Variants in ARFGAP3 observed in about 807,000 individuals in gnomAD.
The protein encoded by ARFGAP3 is ADP-ribosylation factor GTPase-activating protein 3.
In ARFGAP3, 72 loss-of-function variants were observed where a neutral mutation model predicts 75.0. That is an observed-to-expected ratio of 0.96 (90% CI 0.79 to 1.17). ARFGAP3 has a LOEUF of 1.17. Among genes scored for constraint, ARFGAP3 ranks in the 50% most tolerant of loss-of-function variants. The pLI, the probability that ARFGAP3 is intolerant of heterozygous loss-of-function variation, is 0.00. For missense variants in ARFGAP3, 620 were observed against 626.6 expected (o/e 0.99, Z 0.11); for synonymous variants, 221 against 217.9 (o/e 1.01, Z -0.13).
chr22:42,852,756 AATTTT>A (rs1451925074), intron 1 of ARFGAP3, among the ~76,000 whole-genome samples: 1 of 151,474 alleles, frequency 6.6e-6, no homozygotes, highest in Non-Finnish European at 1.5e-5. Context: ...TTATTTATTT[AATTTT>A]ATTTTATTTG....
intron 1 of ARFGAP3, 121 bp downstream of exon 1, chr22:42,856,993 T>G: frequency 9.6e-7 from 1 of 1,040,300 alleles, no homozygotes. Context: ...GGCCCCACAG[T>G]GCGACGTGTC....
In ARFGAP3 at chr22:42,826,947, A is replaced by G. The variant is rs372649717; in HGVS notation, c.618T>C (p.Ala206=). The change falls in exon 7 of 16, where the codon GCT becomes GCC. Residue 206 remains alanine, a synonymous_variant. Coordinates refer to ENST00000263245, the MANE Select transcript of ARFGAP3 (RefSeq NM_014570.5). ...SVEGLNVPTK[A]TLEVSSIIKK... is the part of the protein sequence containing the mutation. ...GGATTTTAAGCATATTACCTAAAGT[A>G]GCCTTTGTTGGTACATTAAGACCTT... 4.3e-6 allele frequency: 7 copies of G among 1,613,066 alleles called. No individual in the cohort carries two copies. In the African/African-American group the frequency reaches 9.3e-5, roughly 22 times the overall value.
chr22:42,800,719 C>T (rs1246474900), intron 14 of ARFGAP3, among the ~76,000 whole-genome samples: 1 of 152,208 alleles, frequency 6.6e-6, no homozygotes, highest in Non-Finnish European at 1.5e-5. Flanking sequence ...TAGGCCTTCA[C>T]CAATGACAGA....
chr22:42,854,042 G>A (rs1927393330), intron 1 of ARFGAP3, among the ~76,000 whole-genome samples: 1 of 152,208 alleles, frequency 6.6e-6, no homozygotes, highest in Admixed American at 6.5e-5. Context: ...TGCCCACAAT[G>A]GGGACTGGAT....
Position 42,797,519 on chromosome 22 carries a change from G to T in ARFGAP3, c.*69C>A. On this transcript the variant is annotated 3_prime_UTR_variant, in exon 16 of 16. Coordinates refer to ENST00000263245, the MANE Select transcript of ARFGAP3 (RefSeq NM_014570.5). ...GCAAAACTATCTGGACTTCACTGCC[G>T]CCTGAGATGTGGTTACTTGTTCATT... 1.3e-6 allele frequency: 2 copies of T among 1,596,368 alleles called. No individual in the cohort carries two copies. The highest frequency in any genetic ancestry group is 1.1e-5 in the South Asian group (1 of 90,508).
chr22:42,814,010 T>G (rs1925477942), intron 11 of ARFGAP3, among the ~76,000 whole-genome samples: 1 of 152,246 alleles, frequency 6.6e-6, no homozygotes, highest in Non-Finnish European at 1.5e-5. Context: ...ACATTTGCTC[T>G]GATTTAGAGC....
intron 14 of ARFGAP3, chr22:42,799,369 T>G (rs1391297057): frequency 5.3e-6 from 2 of 375,572 alleles, no homozygotes; most frequent in African/African-American, 2.2e-5. Context: ...GAAAATGTAG[T>G]ATGGGGGACT....
intron 10 of ARFGAP3, 118 bp downstream of exon 10, chr22:42,817,611 A>T: frequency 1.1e-6 from 1 of 872,812 alleles, no homozygotes; most frequent in Non-Finnish European, 1.7e-6. Flanking sequence ...ATAATTAGAG[A>T]AGTTAATGAA....
intron 14 of ARFGAP3, among the ~76,000 whole-genome samples, chr22:42,800,184 T>G (rs1275414260): frequency 6.6e-6 from 1 of 151,668 alleles, no homozygotes; most frequent in Non-Finnish European, 1.5e-5. Flanking sequence ...TCCTCAGGAG[T>G]AGCCACGCCC....
At chr22:42,841,599 T>C (rs1198091719) in intron 2 of ARFGAP3, among the ~76,000 whole-genome samples, 2 of 152,114 alleles carry the variant, frequency 1.3e-5, no homozygotes, top group African/African-American at 4.8e-5. Context: ...AGGCAGTGAG[T>C]ATAGCCTCAA....
Position 42,857,202 on chromosome 22 carries a change from C to A in ARFGAP3, c.-20G>T. The A allele has an allele frequency of 6.6e-7, 1 of 1,505,976 alleles. No individual in the cohort carries two copies. The highest frequency in any genetic ancestry group is 8.9e-7 in the Non-Finnish European group (1 of 1,124,348). The allele number at this position is 1,505,976 out of a possible 1,614,324, so 93.3% of individuals were successfully genotyped here. On this transcript the variant is annotated 5_prime_UTR_variant, in exon 1 of 16. Coordinates refer to ENST00000263245, the MANE Select transcript of ARFGAP3 (RefSeq NM_014570.5). ...CCCCATCGTCAGCTGTGAGCCGCGG[C>A]GCAGCTGGCCCAGCCAACCGGTAAG... is the stretch of plus-strand genomic sequence containing the variant.
chr22:42,809,766 G>A (rs1925279333), intron 12 of ARFGAP3, among the ~76,000 whole-genome samples: 1 of 152,072 alleles, frequency 6.6e-6, no homozygotes, highest in African/African-American at 2.4e-5. Flanking sequence ...CACTGTGGGA[G>A]GCCAAGACGG....
intron 14 of ARFGAP3, among the ~76,000 whole-genome samples, chr22:42,800,114 G>C (rs1924788954): frequency 6.6e-6 from 1 of 152,186 alleles, no homozygotes; most frequent in African/African-American, 2.4e-5. Context: ...ATAAACTTCT[G>C]TGTCACAATT....
At chr22:42,825,590 G>A (rs1022392209) in intron 7 of ARFGAP3, among the ~76,000 whole-genome samples, 2 of 151,232 alleles carry the variant, frequency 1.3e-5, no homozygotes, top group Non-Finnish European at 2.9e-5. Flanking sequence ...CACGAGAATC[G>A]CTTGAACCCA....
chr22:42,804,386 T>C (rs1330899884), intron 14 of ARFGAP3, among the ~76,000 whole-genome samples: 1 of 140,678 alleles, frequency 7.1e-6, no homozygotes, highest in East Asian at 2.1e-4. Flanking sequence ...ATTTTTTTTT[T>C]TTTTTTTTTT....
At chr22:42,824,471 C>G (rs1023916091) in intron 7 of ARFGAP3, among the ~76,000 whole-genome samples, 4 of 151,668 alleles carry the variant, frequency 2.6e-5, no homozygotes, top group African/African-American at 9.7e-5. Flanking sequence ...ATCCTCTCGT[C>G]TCAGCCTCCC....
Position 42,830,649 on chromosome 22 carries a change from CAA to C in ARFGAP3, c.565+898_565+899del, listed in dbSNP as rs1343855692. ...CAGAAAGAGCTGACTACTCATGTCA[CAA>C]GTGATTTTTAATATGTAAGCAACTG... On this transcript the variant is annotated intron_variant, in intron 6 of 15. Transcript: ENST00000263245. Among the ~76,000 whole-genome samples the C allele has an allele frequency of 2.0e-5, 3 of 152,184 alleles. No individual in the cohort carries two copies. The East Asian group carries it at 5.8e-4, about 29-fold the overall frequency.
intron 1 of ARFGAP3, among the ~76,000 whole-genome samples, chr22:42,852,405 T>G (rs2899364): frequency 0.38 from 58,015 of 151,828 alleles, 11,766 homozygotes; most frequent in Non-Finnish European, 0.45. Context: ...TGTCGCCCAC[T>G]CTTGAGTGCA....
intron 10 of ARFGAP3, 79 bp from the exon 11 acceptor site, chr22:42,817,343 T>C (rs1187519156): frequency 6.6e-7 from 1 of 1,505,100 alleles, no homozygotes; most frequent in East Asian, 2.4e-5. Context: ...CTTTAATTTA[T>C]GTTTTGAACA....
Sources: gnomAD v4.1 joint callset for allele counts (sites outside exome capture counted in the v4.1 genomes callset) on GRCh38, gnomAD v4.1.1 for gene constraint, MANE v1.5 for transcripts, NCBI Gene and HGNC (gene_info 2026-07-23, HGNC 2026-07-21) for gene names.